Variants in GALNT13 observed in about 807,000 individuals in gnomAD.
GALNT13 encodes the protein UDP-GalNAc:polypeptide N-acetylgalactosaminyltransferase 13.
In GALNT13, 28 loss-of-function variants were observed where a neutral mutation model predicts 64.2. The observed-to-expected ratio is 0.44, with a 90% CI of 0.32 to 0.60. The LOEUF (loss-of-function observed/expected upper bound fraction) is 0.60. Among genes scored for constraint, GALNT13 ranks in the 20% least tolerant of loss-of-function variants. GALNT13 has a pLI of 0.05. For synonymous variants in GALNT13, 214 were observed against 224.6 expected (o/e 0.95, Z 0.42); for missense variants, 577 against 669.8 (o/e 0.86, Z 1.53).
intron 9 of GALNT13, among the ~76,000 whole-genome samples, chr2:154,394,264 A>C (rs1698955510): frequency 6.6e-6 from 1 of 152,048 alleles, no homozygotes; most frequent in Non-Finnish European, 1.5e-5. Context: ...GATTTTAAGT[A>C]CTTGAGGAAA....
At chr2:154,299,690 C>G (rs547064814) in intron 8 of GALNT13, among the ~76,000 whole-genome samples, 126 of 151,244 alleles carry the variant, frequency 8.3e-4, no homozygotes, top group African/African-American at 3.0e-3. Flanking sequence ...GTCTCGATCT[C>G]TTGACCTCGT....
the GALNT13 span, among the ~76,000 whole-genome samples, chr2:153,435,858 C>A: frequency 1.3e-5 from 2 of 151,944 alleles, 1 homozygote; most frequent in Admixed American, 1.3e-4. Context: ...GAACTTCCAA[C>A]ACTATGTTGA....
At chr2:153,897,078 T>A (rs979070458) in intron 1 of GALNT13, among the ~76,000 whole-genome samples, 1 of 152,184 alleles carries the variant, frequency 6.6e-6, no homozygotes, top group Non-Finnish European at 1.5e-5. Flanking sequence ...TCCTGAATCA[T>A]TTGAGAATCA....
chr2:154,141,969 G>T (rs948174756), intron 4 of GALNT13, among the ~76,000 whole-genome samples: 2 of 152,140 alleles, frequency 1.3e-5, no homozygotes, highest in African/African-American at 4.8e-5. Context: ...TGGCAGAATT[G>T]TAATTCTAAT....
intron 9 of GALNT13, among the ~76,000 whole-genome samples, chr2:154,379,855 A>C (rs1698183213): frequency 6.6e-6 from 1 of 152,058 alleles, no homozygotes; most frequent in Non-Finnish European, 1.5e-5. Context: ...TAAAGGAATT[A>C]AGATTACTGA....
At chr2:154,362,673 G>T (rs1697142329) in intron 9 of GALNT13, among the ~76,000 whole-genome samples, 1 of 152,086 alleles carries the variant, frequency 6.6e-6, no homozygotes, top group Admixed American at 6.5e-5. Flanking sequence ...TTGACTTACA[G>T]AATTATGAGC....
chr2:153,633,677 G>A, the GALNT13 span, among the ~76,000 whole-genome samples: 1 of 152,116 alleles, frequency 6.6e-6, no homozygotes. Flanking sequence ...GGCTAGCTAA[G>A]GTGTCCAGTG....
chr2:154,108,298 C>G (rs1702737245), intron 3 of GALNT13, among the ~76,000 whole-genome samples: 1 of 151,150 alleles, frequency 6.6e-6, no homozygotes, highest in African/African-American at 2.4e-5. Flanking sequence ...TGGTAGTTGC[C>G]AATTCTGAAA....
chr2:153,253,563 G>C, the GALNT13 span, among the ~76,000 whole-genome samples: 8 of 148,780 alleles, frequency 5.4e-5, no homozygotes, highest in African/African-American at 2.0e-4. Context: ...CAAAGGGAAT[G>C]CTTCCAGTTT....
intron 3 of GALNT13, among the ~76,000 whole-genome samples, chr2:154,034,086 A>G (rs1355895059): frequency 6.6e-6 from 1 of 152,154 alleles, no homozygotes; most frequent in African/African-American, 2.4e-5. Flanking sequence ...ATAAAGTTAA[A>G]CTTACTTTAT....
the GALNT13 span, among the ~76,000 whole-genome samples, chr2:153,655,537 C>G: frequency 6.6e-6 from 1 of 151,974 alleles, no homozygotes; most frequent in Non-Finnish European, 1.5e-5. Flanking sequence ...ACATGAGAAT[C>G]GTGGATAGCT....
intron 8 of GALNT13, among the ~76,000 whole-genome samples, chr2:154,278,050 A>C (rs768544558): frequency 6.6e-6 from 1 of 152,188 alleles, no homozygotes; most frequent in Non-Finnish European, 1.5e-5. Flanking sequence ...TGACCAAAAT[A>C]TTTTTTCTCT....
At chr2:154,389,340 T>C (rs1188719233) in intron 9 of GALNT13, among the ~76,000 whole-genome samples, 1 of 152,182 alleles carries the variant, frequency 6.6e-6, no homozygotes, top group Non-Finnish European at 1.5e-5. Context: ...GGTATCACCA[T>C]CTTGGCCACG....
chr2:153,404,352 A>G, the GALNT13 span, among the ~76,000 whole-genome samples: 1 of 152,236 alleles, frequency 6.6e-6, no homozygotes, highest in African/African-American at 2.4e-5. Flanking sequence ...CAGAAATCTT[A>G]ATAACAAAAT....
the GALNT13 span, among the ~76,000 whole-genome samples, chr2:153,664,243 C>T: frequency 7.2e-5 from 11 of 152,132 alleles, no homozygotes; most frequent in Admixed American, 2.0e-4. Flanking sequence ...CCCAGAGTGG[C>T]CGTTCATATA....
At chr2:153,460,104 T>C in the GALNT13 span, among the ~76,000 whole-genome samples, 1 of 152,110 alleles carries the variant, frequency 6.6e-6, no homozygotes, top group Non-Finnish European at 1.5e-5. Flanking sequence ...AATGTTGCTA[T>C]TTTGTGATAT....
At chr2:154,145,699 A>G (rs1410306881) in intron 4 of GALNT13, among the ~76,000 whole-genome samples, 3 of 152,012 alleles carry the variant, frequency 2.0e-5, no homozygotes, top group East Asian at 3.9e-4. Context: ...TTATTAGTGG[A>G]AGAGGAGCTG....
At chr2:153,939,605 G>A (rs1040488426) in intron 2 of GALNT13, among the ~76,000 whole-genome samples, 6 of 152,136 alleles carry the variant, frequency 3.9e-5, no homozygotes, top group African/African-American at 1.2e-4. Flanking sequence ...GTTCTGCTTT[G>A]TGGTACTTTT....
intron 4 of GALNT13, 102 bp downstream of exon 4, chr2:154,140,607 T>C (rs1393051754): frequency 1.3e-5 from 10 of 767,328 alleles, no homozygotes; most frequent in Non-Finnish European, 1.9e-5. Context: ...TAGCAATGTG[T>C]GGTTCTGAGT....
Sources: allele counts gnomAD v4.1 joint callset (sites outside exome capture counted in the v4.1 genomes callset), GRCh38; gene constraint gnomAD v4.1.1; transcripts MANE v1.5; gene names NCBI Gene and HGNC (gene_info 2026-07-23, HGNC 2026-07-21).